LRRC51: variants seen among roughly 807,000 people sequenced by gnomAD.
The protein encoded by LRRC51 is leucine rich repeat containing 51, also known as leucine-rich repeat-containing protein 51.
Under a neutral mutation model 17.8 loss-of-function variants are expected in LRRC51, and 8 were observed. The observed-to-expected ratio is 0.45, with a 90% CI of 0.26 to 0.81. The LOEUF (loss-of-function observed/expected upper bound fraction) is 0.81, where lower values mean the gene tolerates loss of function less well. Among genes scored for constraint, LRRC51 ranks in the 30% least tolerant of loss-of-function variants. The pLI is 0.17. For synonymous variants in LRRC51, 92 were observed against 96.0 expected, an observed-to-expected ratio of 0.96 and a Z score of 0.24; for missense variants, 233 against 239.3, an observed-to-expected ratio of 0.97 and a Z score of 0.17.
intron 2 of LRRC51, chr11:72,088,585 G>A: frequency 1.7e-6 from 1 of 594,378 alleles, no homozygotes; most frequent in Non-Finnish European, 3.0e-6. Flanking sequence ...AGGCCCTCAA[G>A]GATTTGTTAA....
rs905720526 is a variant in LRRC51, at chr11:72,096,228, TC to T, written c.*710del. 6.3e-6 allele frequency: 1 copy of T among 157,544 alleles called. No homozygotes were observed. The highest frequency in any genetic ancestry group is 6.2e-5 in the Admixed American group (1 of 16,112). The allele number at this position is 157,544 out of a possible 1,614,324, so 9.8% of individuals were successfully genotyped here. A position where few individuals can be genotyped will look rare whatever the true frequency, so the allele number is the denominator to read the frequency against. The stretch of plus-strand genomic sequence containing the variant: ...CATGTTAGCCAGGATGGTCTCCATC[TC>T]CTGACCTTGTGATCCACCCACCTCG... On this transcript the variant is annotated 3_prime_UTR_variant, in exon 6 of 6. Transcript: ENST00000289488.
chr11:72,081,350 G>T (rs1211814121), intron 1 of LRRC51, among the ~76,000 whole-genome samples: 3 of 152,196 alleles, frequency 2.0e-5, no homozygotes, highest in Non-Finnish European at 4.4e-5. Context: ...TGAGCCCGGA[G>T]ATTGAAGCTG....
At chr11:72,089,350 G>A in intron 3 of LRRC51, 185 bp downstream of exon 3, 1 of 1,497,458 alleles carries the variant, frequency 6.7e-7, no homozygotes, top group Admixed American at 2.0e-5. Context: ...TGTTTGTTTT[G>A]ATTTTGCCCC....
rs1283168303 is a variant in LRRC51, at chr11:72,093,685, T to C, written c.272T>C (p.Leu91Pro). Reference protein sequence around the residue: ...LAWIDLSFNDLTSIDPVLTTF... With the variant: ...LAWIDLSFNDPTSIDPVLTTF... Reference sequence around the variant, plus strand: ...TGGATCGACCTGTCCTTTAATGACCTGACTTCCATTGACCCTGTGAGTTCC... The same window carrying C: ...TGGATCGACCTGTCCTTTAATGACCCGACTTCCATTGACCCTGTGAGTTCC... The change falls in exon 4 of 6, where the codon CTG (leucine) becomes CCG (proline). Residue 91 changes from leucine (L) to proline (P), a missense_variant. Leu to Pro is a moderately conservative substitution (Grantham distance 98). Coordinates refer to ENST00000289488, the MANE Select transcript of LRRC51 (RefSeq NM_145309.6). 6.2e-7 allele frequency: 1 copy of C among 1,614,212 alleles called. No individual in the cohort carries two copies. Among genetic ancestry groups the C allele is most frequent in the Non-Finnish European group, 8.5e-7 (1 of 1,180,036 alleles).
At chr11:72,094,198 A>G (rs1945029543) in intron 4 of LRRC51, among the ~76,000 whole-genome samples, 1 of 151,946 alleles carries the variant, frequency 6.6e-6, no homozygotes, top group South Asian at 2.1e-4. Context: ...AGGCAGGAGA[A>G]TCACTTGAAC....
chr11:72,085,774 T>C, intron 1 of LRRC51: 1 of 152,658 alleles, frequency 6.6e-6, no homozygotes. Context: ...CTGGGCTTAC[T>C]CATGTGTCGG....
At chr11:72,086,247 T>C in intron 1 of LRRC51, 1 of 592,442 alleles carries the variant, frequency 1.7e-6, no homozygotes, top group Admixed American at 3.0e-5. Flanking sequence ...CAGCTGTTAC[T>C]TGGAACTGGA....
In LRRC51 at chr11:72,088,294, C is replaced by A; in HGVS notation, c.-139-3C>A. The A allele has an allele frequency of 2.9e-6, 2 of 697,580 alleles. No homozygotes were observed. The highest frequency in any genetic ancestry group is 1.5e-5 in the South Asian group (1 of 66,746). The allele number at this position is 697,580 out of a possible 1,614,324, so 43.2% of individuals were successfully genotyped here. A position where few individuals can be genotyped will look rare whatever the true frequency, so the allele number is the denominator to read the frequency against. On this transcript the variant is annotated splice_polypyrimidine_tract_variant and splice_region_variant and intron_variant, in intron 1 of 5. Coordinates refer to ENST00000289488, the MANE Select transcript of LRRC51 (RefSeq NM_145309.6). ...ATAACAACATTGTGTTCATCCCTGT[C>A]AGGGAGTATTTCCATTTTAACCGGA... is the stretch of plus-strand genomic sequence containing the variant.
Position 72,081,617 on chromosome 11 carries a change from A to C in LRRC51, c.-140+732A>C, listed in dbSNP as rs73537523. On this transcript the variant is annotated intron_variant, in intron 1 of 5. Transcript: ENST00000289488. The stretch of plus-strand genomic sequence containing the variant: ...TTCCAAGACATGCGGTTAGCATTAG[A>C]TTGAGTAAATCGCAGTCGCTACCCT... 9.5e-3 allele frequency among the ~76,000 whole-genome samples: 1,444 copies of C among 152,264 alleles called. 13 individuals carry two copies. Among genetic ancestry groups the C allele is most frequent in the African/African-American group, 0.033 (1,379 of 41,550 alleles).
intron 1 of LRRC51, among the ~76,000 whole-genome samples, chr11:72,087,192 GTA>G (rs1201053395): frequency 6.6e-6 from 1 of 150,758 alleles, no homozygotes; most frequent in East Asian, 2.0e-4. Flanking sequence ...CTTGATCCAT[GTA>G]TATGTTAAAT....
chr11:72,093,698 C>T lies in LRRC51; in HGVS notation c.285C>T (p.Asp95=). Residue 95 remains aspartate (D), a synonymous_variant, in exon 4 of 6, where the codon GAC becomes GAT. Coordinates refer to ENST00000289488, the MANE Select transcript of LRRC51 (RefSeq NM_145309.6). Reference sequence around the variant, plus strand: ...CCTTTAATGACCTGACTTCCATTGACCCTGTGAGTTCCTAACAGTAGGAAT... The same window carrying T: ...CCTTTAATGACCTGACTTCCATTGATCCTGTGAGTTCCTAACAGTAGGAAT... ...DLSFNDLTSI[D]PVLTTFFNLS... is the part of the protein sequence containing the mutation. 1 of 1,614,194 alleles carries T rather than the reference C, an allele frequency of 6.2e-7. No homozygotes were observed. The highest frequency in any genetic ancestry group is 1.1e-5 in the South Asian group (1 of 91,082).
chr11:72,087,583 G>A (rs553916129), intron 1 of LRRC51, among the ~76,000 whole-genome samples: 1 of 152,174 alleles, frequency 6.6e-6, no homozygotes, highest in Non-Finnish European at 1.5e-5. Context: ...TGTAGGCTTA[G>A]ATTCTTAAAG....
At chr11:72,089,686 C>A in intron 3 of LRRC51, 1 of 914,798 alleles carries the variant, frequency 1.1e-6, no homozygotes, top group Non-Finnish European at 1.4e-6. Context: ...TGGCATATTT[C>A]CAGTTTAAAT....
At position 72,093,550 on chromosome 11, in the gene LRRC51, C is replaced by T. The variant is rs1378750009; in HGVS notation, c.137C>T (p.Ser46Leu). The change falls in exon 4 of 6, where the codon TCG becomes TTG. Residue 46 changes from serine to leucine, a missense_variant. By Grantham distance (145) the Ser-to-Leu change is moderately radical (BLOSUM62 -2). Transcript: ENST00000289488. The stretch of plus-strand genomic sequence containing the variant: ...CTACGACCACTGAAGCGTTCAAAGT[C>T]GGGGAAATCACTGACCCAGTCCCTG... ...TGLRPLKRSK[S>L]GKSLTQSLWL... 1.3e-5 allele frequency: 21 copies of T among 1,614,036 alleles called. No homozygotes were observed. Among genetic ancestry groups the T allele is most frequent in the Non-Finnish European group, 1.6e-5 (19 of 1,180,012 alleles).
At chr11:72,093,786 C>T (rs1036612092) in intron 4 of LRRC51, 85 bp downstream of exon 4, 1 of 1,266,354 alleles carries the variant, frequency 7.9e-7, no homozygotes, top group African/African-American at 1.5e-5. Flanking sequence ...TACATGTTAT[C>T]AAGGAAGTAA....
chr11:72,087,993 G>A (rs1425391400), intron 1 of LRRC51, among the ~76,000 whole-genome samples: 2 of 152,166 alleles, frequency 1.3e-5, no homozygotes, highest in Non-Finnish European at 2.9e-5. Flanking sequence ...AGCAGGTGAA[G>A]TAATACAAAT....
chr11:72,095,654 A>G lies in LRRC51; in HGVS notation c.*134A>G, dbSNP rs770224220. The G allele has an allele frequency of 3.3e-6, 5 of 1,537,868 alleles. No individual in the cohort carries two copies. The East Asian group carries it at 7.4e-5, about 23-fold the overall frequency. On this transcript the variant is annotated 3_prime_UTR_variant, in exon 6 of 6. Transcript: ENST00000289488. ...ATGTTCTCTAACTCAGGCAACTGCA[A>G]GTAGCTCTAGCCTTTTCTTTTCTTT...
rs1457061162 is a variant in LRRC51, at chr11:72,089,057, T to C, written c.-27T>C. ...GAACCCAGACTCCCAGGGCACCTGC[T>C]TGCACCTTTGAATGATGGCCTGAAC... On this transcript the variant is annotated 5_prime_UTR_variant, in exon 3 of 6. Coordinates refer to ENST00000289488, the MANE Select transcript of LRRC51 (RefSeq NM_145309.6). 6.2e-7 allele frequency: 1 copy of C among 1,613,020 alleles called. No individual in the cohort carries two copies.
intron 3 of LRRC51, 54 bp from the exon 4 acceptor site, chr11:72,093,442 C>A (rs947806338): frequency 6.6e-7 from 1 of 1,521,846 alleles, no homozygotes; most frequent in Non-Finnish European, 8.9e-7. Context: ...CCCTTCCCAC[C>A]CCCTAAAGCC....
Sources: allele counts gnomAD v4.1 joint callset (sites outside exome capture counted in the v4.1 genomes callset), GRCh38; gene constraint gnomAD v4.1.1; transcripts MANE v1.5; gene names NCBI Gene and HGNC (gene_info 2026-07-23, HGNC 2026-07-21).